CDC42BPB: variants seen among roughly 807,000 people sequenced by gnomAD.
The protein encoded by CDC42BPB is serine/threonine-protein kinase MRCK beta.
A neutral mutation model predicts 214.9 loss-of-function variants in CDC42BPB; 37 were observed. The observed-to-expected ratio is 0.17, with a 90% CI of 0.13 to 0.23. CDC42BPB has a LOEUF of 0.23. Ranked by LOEUF, CDC42BPB falls within the 10% of genes least tolerant of loss-of-function variation. The pLI is 1.00. For missense variants in CDC42BPB, 1,694 were observed against 2,227.0 expected (o/e 0.76, Z 4.82); for synonymous variants, 931 against 884.0 (o/e 1.05, Z -0.94).
rs1892440297 is a variant in CDC42BPB, at chr14:102,950,536, T to C, written c.3239A>G (p.Glu1080Gly). ...GAPQVCPIPP[E>G]QSKRPLGVDV... is the part of the protein sequence containing the mutation. Reference sequence around the variant, plus strand: ...CACGCCCAGAGGCCTCTTGGACTGCTCGGGAGGTATTGGGCACACCTGGGG... The same window carrying C: ...CACGCCCAGAGGCCTCTTGGACTGCCCGGGAGGTATTGGGCACACCTGGGG... Residue 1080 changes from glutamate to glycine, a missense_variant, in exon 25 of 37, where the codon GAG (glutamate) becomes GGG (glycine). By Grantham distance (98) the Glu-to-Gly change is moderately conservative. Around this residue, in one of 7 missense-constraint regions of CDC42BPB, gnomAD observed 567 missense variants for 790.3 expected, o/e 0.72. Transcript: ENST00000361246. 1 of 1,612,548 alleles carries C rather than the reference T, an allele frequency of 6.2e-7. No homozygotes were observed. Among genetic ancestry groups the C allele is most frequent in the African/African-American group, 1.3e-5 (1 of 74,914 alleles).
rs560275092 is a variant in CDC42BPB, at chr14:102,968,716, C to T, written c.1996G>A (p.Val666Met). 32 of 1,613,622 alleles carry T rather than the reference C, an allele frequency of 2.0e-5. No individual in the cohort carries two copies. In the South Asian group the frequency reaches 3.3e-4, roughly 17 times the overall value. ...QMESELEALK[V>M]KQGGRGAGAT... ...CCCGCTCCCCGGCCTCCTTGCTTCA[C>T]CTGAAGACAAAGGTTAACATAAATT... Residue 666 changes from valine (V) to methionine (M), a missense_variant and splice_region_variant, in exon 15 of 37, where the codon GTG becomes ATG. Val to Met is a conservative substitution (Grantham distance 21). This residue lies in a region of CDC42BPB where 462 missense variants were observed against 513.5 expected (regional missense o/e 0.90). Transcript: ENST00000361246.
intron 1 of CDC42BPB, 86 bp downstream of exon 1, chr14:103,056,913 G>A: frequency 1.0e-6 from 1 of 991,570 alleles, no homozygotes; most frequent in South Asian, 2.1e-5. Flanking sequence ...GGTCTGTCCG[G>A]GCGGGGATGG....
At position 103,020,499 on chromosome 14, in the gene CDC42BPB, G is replaced by A. The variant is rs145548768; in HGVS notation, c.176-8311C>T. 1.9e-3 allele frequency among the ~76,000 whole-genome samples: 296 copies of A among 152,354 alleles called. 1 individual carries two copies. The highest frequency in any genetic ancestry group is 6.7e-3 in the African/African-American group (278 of 41,580). Reference sequence around the variant, plus strand: ...ACCGACGGCCCAGCAAGACCTACGCGGAGGCCGAGGGCCAGAGGCCAGGCT... The same window carrying A: ...ACCGACGGCCCAGCAAGACCTACGCAGAGGCCGAGGGCCAGAGGCCAGGCT... On this transcript the variant is annotated intron_variant, in intron 1 of 36. Coordinates refer to ENST00000361246, the MANE Select transcript of CDC42BPB (RefSeq NM_006035.4).
intron 1 of CDC42BPB, among the ~76,000 whole-genome samples, chr14:103,030,920 G>A (rs548000897): frequency 6.6e-6 from 1 of 152,002 alleles, no homozygotes; most frequent in East Asian, 2.0e-4. Context: ...CCAGGAGGTG[G>A]GAATTGCAGT....
chr14:103,055,971 C>T (rs1002562325), intron 1 of CDC42BPB, among the ~76,000 whole-genome samples: 1 of 152,224 alleles, frequency 6.6e-6, no homozygotes, highest in Non-Finnish European at 1.5e-5. Flanking sequence ...TTTCCTCCTC[C>T]TACTCAGTGG....
At position 102,968,551 on chromosome 14, in the gene CDC42BPB, C is replaced by T; in HGVS notation, c.2161G>A (p.Asp721Asn). The T allele has an allele frequency of 1.2e-6, 2 of 1,614,224 alleles. No individual in the cohort carries two copies. Among genetic ancestry groups the T allele is most frequent in the Non-Finnish European group, 1.7e-6 (2 of 1,180,056 alleles). Residue 721 changes from aspartate to asparagine, a missense_variant, in exon 15 of 37, where the codon GAT (aspartate) becomes AAT (asparagine). Transcript: ENST00000361246. ...AGGGCCAGCTGGTGGCTTTCTGAAT[C>T]ATGCACCTCCTTCTTCACATTTTTC... ...EVKNVKKEVH[D>N]SESHQLALQK...
chr14:103,025,372 G>C (rs1703854162), intron 1 of CDC42BPB, among the ~76,000 whole-genome samples: 1 of 151,954 alleles, frequency 6.6e-6, no homozygotes, highest in Non-Finnish European at 1.5e-5. Flanking sequence ...GAGCAGGTAT[G>C]TCTACCAAAA....
At chr14:103,011,507 C>T (rs1035690428) in intron 2 of CDC42BPB, among the ~76,000 whole-genome samples, 1 of 152,124 alleles carries the variant, frequency 6.6e-6, no homozygotes, top group Non-Finnish European at 1.5e-5. Flanking sequence ...CTGGGCGGGG[C>T]ATCTGGGCAG....
rs1300111331 is a variant in CDC42BPB, at chr14:103,050,205, A to T, written c.175+6794T>A. On this transcript the variant is annotated intron_variant, in intron 1 of 36. Coordinates refer to ENST00000361246, the MANE Select transcript of CDC42BPB (RefSeq NM_006035.4). ...AGGTATTTAAAACTTCAAGTGGGAA[A>T]GGCATTCATTTAGGCCTGAGGACCT... Among the ~76,000 whole-genome samples the T allele has an allele frequency of 3.3e-5, 5 of 152,344 alleles. No individual in the cohort carries two copies. The East Asian group carries it at 9.6e-4, about 29-fold the overall frequency.
intron 3 of CDC42BPB, among the ~76,000 whole-genome samples, chr14:103,005,158 ACT>A (rs1895179284): frequency 7.0e-6 from 1 of 142,900 alleles, no homozygotes; most frequent in Non-Finnish European, 1.6e-5. Context: ...ACAAAGCGAG[ACT>A]CTGTCTCAAA....
intron 5 of CDC42BPB, among the ~76,000 whole-genome samples, chr14:102,996,207 G>A (rs1894724750): frequency 6.6e-6 from 1 of 152,100 alleles, no homozygotes; most frequent in Admixed American, 6.6e-5. Context: ...GGGCGTGGTG[G>A]TGGGCACCTG....
At chr14:103,020,705 C>A (rs1003997814) in intron 1 of CDC42BPB, among the ~76,000 whole-genome samples, 2 of 152,220 alleles carry the variant, frequency 1.3e-5, no homozygotes, top group Admixed American at 1.3e-4. Flanking sequence ...CAGGAGTCAG[C>A]GCCTTGGCCC....
intron 5 of CDC42BPB, among the ~76,000 whole-genome samples, chr14:102,988,751 T>C (rs1260861620): frequency 6.6e-6 from 1 of 152,078 alleles, no homozygotes; most frequent in Non-Finnish European, 1.5e-5. Context: ...ATTAGAACTC[T>C]TCCTTGTGCC....
At chr14:102,956,258 C>G (rs1215366067) in intron 21 of CDC42BPB, 1 of 163,974 alleles carries the variant, frequency 6.1e-6, no homozygotes, top group African/African-American at 2.4e-5. Flanking sequence ...AAAAGGCTAG[C>G]AGGGAAGATG....
At chr14:103,008,094 G>A (rs796692462) in intron 3 of CDC42BPB, among the ~76,000 whole-genome samples, 11 of 152,338 alleles carry the variant, frequency 7.2e-5, no homozygotes, top group African/African-American at 2.6e-4. Flanking sequence ...GGATCCTCTA[G>A]GTGGGAATCT....
At chr14:103,005,566 C>T (rs1012992872) in intron 3 of CDC42BPB, among the ~76,000 whole-genome samples, 5 of 151,652 alleles carry the variant, frequency 3.3e-5, no homozygotes, top group Non-Finnish European at 5.9e-5. Context: ...AAAAATTAGC[C>T]GGGTGTGGTG....
intron 1 of CDC42BPB, among the ~76,000 whole-genome samples, chr14:103,013,636 TCAGA>T (rs1331441632): frequency 4.6e-5 from 7 of 152,160 alleles, no homozygotes; most frequent in Non-Finnish European, 1.0e-4. Context: ...GAAGTCAGAC[TCAGA>T]CAGAGGTAAA....
At position 102,932,600 on chromosome 14, in the gene CDC42BPB, A is replaced by C. The variant is rs1891428161; in HGVS notation, c.*1112T>G. 6.6e-6 allele frequency: 1 copy of C among 152,280 alleles called. No homozygotes were observed. Among genetic ancestry groups the C allele is most frequent in the Non-Finnish European group, 1.5e-5 (1 of 68,022 alleles). The allele number at this position is 152,280 out of a possible 1,614,324, so 9.4% of individuals were successfully genotyped here. A position where few individuals can be genotyped will look rare whatever the true frequency, so the allele number is the denominator to read the frequency against. ...CGACTTGGGGAAGTGCACGTCCTGA[A>C]CAGCCTTGCCAAGCAGCCGACCGGT... On this transcript the variant is annotated 3_prime_UTR_variant, in exon 37 of 37. Transcript: ENST00000361246.
intron 23 of CDC42BPB, among the ~76,000 whole-genome samples, chr14:102,953,921 T>C (rs1892601289): frequency 6.6e-6 from 1 of 152,120 alleles, no homozygotes; most frequent in Admixed American, 6.5e-5. Context: ...GCTTGGGGAA[T>C]GAGAGAAGGA....
Sources: allele counts gnomAD v4.1 joint callset (sites outside exome capture counted in the v4.1 genomes callset), GRCh38; gene constraint gnomAD v4.1.1; regional missense constraint gnomAD v4.1.1; transcripts MANE v1.5; gene names NCBI Gene and HGNC (gene_info 2026-07-23, HGNC 2026-07-21).